Variants in TJP1 observed in about 807,000 individuals in gnomAD.
TJP1 encodes the protein tight junction protein ZO-1.
In TJP1, 43 loss-of-function variants were observed where a neutral mutation model predicts 194.2. The ratio of observed to expected loss-of-function variants is 0.22; its 90% CI spans 0.17 to 0.29. The LOEUF (loss-of-function observed/expected upper bound fraction) is 0.29, where lower values mean the gene tolerates loss of function less well. Among genes scored for constraint, TJP1 ranks in the 10% least tolerant of loss-of-function variants. The pLI, the probability that TJP1 is intolerant of heterozygous loss-of-function variation, is 1.00. For missense variants in TJP1, 1,971 were observed against 2,185.7 expected, an observed-to-expected ratio of 0.90 and a Z score of 1.96; for synonymous variants, 801 against 779.0, an observed-to-expected ratio of 1.03 and a Z score of -0.47.
intron 2 of TJP1, among the ~76,000 whole-genome samples, chr15:29,858,479 T>C (rs2051948381): frequency 1.3e-5 from 2 of 152,206 alleles, no homozygotes; most frequent in Non-Finnish European, 2.9e-5. Context: ...CCCTAGTATG[T>C]GCCAGGCACT....
At chr15:29,836,562 G>A (rs2051038833) in intron 2 of TJP1, among the ~76,000 whole-genome samples, 1 of 152,184 alleles carries the variant, frequency 6.6e-6, no homozygotes, top group Non-Finnish European at 1.5e-5. Flanking sequence ...GAGCCACTGC[G>A]CCCAGCCGGG....
At chr15:29,955,533 A>G (rs2152313092) in intron 2 of TJP1, among the ~76,000 whole-genome samples, 1 of 152,112 alleles carries the variant, frequency 6.6e-6, no homozygotes. Flanking sequence ...GAATAAAAAG[A>G]AAGTGCCAGG....
intron 2 of TJP1, among the ~76,000 whole-genome samples, chr15:29,912,405 T>C (rs76132419): frequency 0.014 from 2,131 of 152,210 alleles, 52 homozygotes; most frequent in African/African-American, 0.048. Context: ...ACAGAAATAT[T>C]TGTAGTCAAA....
chr15:29,718,023 G>A lies in TJP1; in HGVS notation c.3972C>T (p.Tyr1324=), dbSNP rs2042674309. The A allele has an allele frequency of 6.2e-7, 1 of 1,609,770 alleles. No homozygotes were observed. The highest frequency in any genetic ancestry group is 2.2e-5 in the East Asian group (1 of 44,748). ...NQFSEHDKTL[Y]RIPEPQKPQL... ...CAAAGAGCACAAAGTGTACTCACCT[G>A]TACAGAGTTTTGTCATGTTCACTGA... Residue 1324 remains tyrosine (Y), a splice_region_variant and synonymous_variant, in exon 22 of 28, where the codon TAC becomes TAT. Transcript: ENST00000614355.
rs146672548 is a variant in TJP1 at position 29,741,370 on chromosome 15, C to T, written c.1217G>A (p.Gly406Asp). The T allele has an allele frequency of 1.3e-6, 2 of 1,599,464 alleles. No homozygotes were observed. Among genetic ancestry groups the T allele is most frequent in the Admixed American group, 1.8e-5 (1 of 55,530 alleles). The change falls in exon 10 of 28, where the codon GGT becomes GAT. Residue 406 changes from glycine (G) to aspartate (D), a missense_variant. By Grantham distance (94) the Gly-to-Asp change is moderately conservative (BLOSUM62 -1). Coordinates refer to ENST00000614355, the MANE Select transcript of TJP1 (RefSeq NM_001330239.4). ...DVDLPVSPSD[G>D]VLPNSTHEDG... ...TTCATGAGTTGAATTAGGTAGGACACCATCAGATGGACTGACAGGTAAATC... is the reference window on the plus strand; with the variant it reads ...TTCATGAGTTGAATTAGGTAGGACATCATCAGATGGACTGACAGGTAAATC...
intron 1 of TJP1, among the ~76,000 whole-genome samples, chr15:29,808,249 C>G (rs1273749952): frequency 2.0e-5 from 3 of 152,154 alleles, no homozygotes; most frequent in Non-Finnish European, 4.4e-5. Context: ...GCCTGGGTGA[C>G]ACAGTGAGAC....
chr15:29,748,951 T>TGC (rs925639465), intron 8 of TJP1, among the ~76,000 whole-genome samples: 11 of 36,236 alleles, frequency 3.0e-4, no homozygotes, highest in African/African-American at 6.4e-4. Flanking sequence ...TGTGTGTGTG[T>TGC]GTGCGCGTGT....
At chr15:29,915,060 A>T (rs529492054) in intron 2 of TJP1, among the ~76,000 whole-genome samples, 7 of 152,350 alleles carry the variant, frequency 4.6e-5, no homozygotes, top group African/African-American at 1.7e-4. Context: ...CTGCTAAAAA[A>T]AATGCTGCCA....
rs1193313031 is a variant in TJP1 at position 29,892,075 on chromosome 15, T to C, written c.306+64157A>G. ...GCAAAGGAAAAGTTCTGAAAGGAAA[T>C]CAGAAGTGCTACTCCAGTGAACACA... On this transcript the variant is annotated intron_variant, in intron 2 of 28. Coordinates refer to the TJP1 transcript ENST00000356107. Among the ~76,000 whole-genome samples, 2 of 152,298 alleles carry C rather than the reference T, an allele frequency of 1.3e-5. 1 individual carries two copies. The highest frequency in any genetic ancestry group is 4.1e-4 in the South Asian group (2 of 4,824).
intron 2 of TJP1, among the ~76,000 whole-genome samples, chr15:29,947,460 A>AT (rs1596305774): frequency 6.6e-6 from 1 of 152,172 alleles, no homozygotes; most frequent in African/African-American, 2.4e-5. Context: ...TGTGGCATTA[A>AT]TTTTCTGGTC....
chr15:29,760,329 G>A (rs2045919394), intron 8 of TJP1: 1 of 697,964 alleles, frequency 1.4e-6, no homozygotes, highest in South Asian at 1.5e-5. Flanking sequence ...ATAAACTCAG[G>A]TAGGTCATAT....
At chr15:29,715,655 G>A (rs1219188942) in intron 23 of TJP1, among the ~76,000 whole-genome samples, 7 of 152,110 alleles carry the variant, frequency 4.6e-5, no homozygotes, top group Non-Finnish European at 7.4e-5. Context: ...TGCCATGAAG[G>A]GATTTTTCAG....
At chr15:29,898,344 G>A (rs912115137) in intron 2 of TJP1, among the ~76,000 whole-genome samples, 1 of 152,132 alleles carries the variant, frequency 6.6e-6, no homozygotes, top group Non-Finnish European at 1.5e-5. Flanking sequence ...CCAGCCACGT[G>A]GAACTGTAAG....
chr15:29,762,321 G>T lies in TJP1; in HGVS notation c.693+14C>A. On this transcript the variant is annotated intron_variant, in intron 6 of 27. Coordinates refer to ENST00000614355, the MANE Select transcript of TJP1 (RefSeq NM_001330239.4). Reference sequence around the variant, plus strand: ...TCTATTTCAGTTCATTAAAAAGTAAGAATATGATTATACCTTCAATACAAC... The same window carrying T: ...TCTATTTCAGTTCATTAAAAAGTAATAATATGATTATACCTTCAATACAAC... The T allele has an allele frequency of 6.3e-7, 1 of 1,593,506 alleles. No individual in the cohort carries two copies.
intron 2 of TJP1, among the ~76,000 whole-genome samples, chr15:29,798,556 G>A (rs2048568254): frequency 6.6e-6 from 1 of 152,070 alleles, no homozygotes; most frequent in African/African-American, 2.4e-5. Context: ...ATGAGGATAC[G>A]CAACAACGGG....
At chr15:29,780,150 G>A (rs983910918) in intron 2 of TJP1, among the ~76,000 whole-genome samples, 44 of 152,098 alleles carry the variant, frequency 2.9e-4, no homozygotes, top group African/African-American at 9.2e-4. Context: ...GGATGGTTTC[G>A]GGACAATCCA....
intron 2 of TJP1, among the ~76,000 whole-genome samples, chr15:29,903,666 A>C (rs533564975): frequency 1.3e-5 from 2 of 152,096 alleles, no homozygotes; most frequent in African/African-American, 4.8e-5. Context: ...GGATGGTCTC[A>C]ATCTCCCGAC....
intron 2 of TJP1, among the ~76,000 whole-genome samples, chr15:29,952,463 T>C (rs776979413): frequency 2.0e-5 from 3 of 152,046 alleles, no homozygotes; most frequent in Non-Finnish European, 4.4e-5. Flanking sequence ...AGGAGTGAAA[T>C]GGCATCATTC....
intron 1 of TJP1, among the ~76,000 whole-genome samples, chr15:29,960,855 C>A (rs1169476452): frequency 6.6e-6 from 1 of 151,954 alleles, no homozygotes; most frequent in African/African-American, 2.4e-5. Context: ...TCAATAATGA[C>A]CCCCCTTTGT....
Sources: allele counts gnomAD v4.1 joint callset (sites outside exome capture counted in the v4.1 genomes callset), GRCh38; gene constraint gnomAD v4.1.1; transcripts MANE v1.5; gene names NCBI Gene and HGNC (gene_info 2026-07-23, HGNC 2026-07-21).